The following AUTS2 variants were observed in gnomAD, a reference collection of about 807,000 sequenced individuals.
AUTS2 encodes autism susceptibility gene 2 protein.
Under a neutral mutation model 112.4 loss-of-function variants are expected in AUTS2, and 17 were observed. The observed-to-expected ratio is 0.15, with a 90% CI of 0.10 to 0.23. The LOEUF (loss-of-function observed/expected upper bound fraction) is 0.23, where lower values mean the gene tolerates loss of function less well. Among genes scored for constraint, AUTS2 ranks in the 10% least tolerant of loss-of-function variants. AUTS2 has a pLI of 1.00. For missense variants in AUTS2, 1,510 were observed against 1,701.6 expected (o/e 0.89, Z 1.98); for synonymous variants, 751 against 702.7 (o/e 1.07, Z -1.09).
At chr7:70,000,677 C>T (rs1378981207) in intron 2 of AUTS2, among the ~76,000 whole-genome samples, 2 of 152,082 alleles carry the variant, frequency 1.3e-5, no homozygotes, top group African/African-American at 4.8e-5. Flanking sequence ...ATCATTCATT[C>T]AAATTATTAA....
chr7:70,297,791 G>A (rs1446773248), intron 4 of AUTS2, among the ~76,000 whole-genome samples: 2 of 152,092 alleles, frequency 1.3e-5, no homozygotes, highest in African/African-American at 4.8e-5. Flanking sequence ...TGTTAGAACT[G>A]TACATAATCT....
At chr7:70,545,117 AATTTCAAGTCTAGAAGAACTGTCCAAATC>A (rs2129510499) in intron 5 of AUTS2, among the ~76,000 whole-genome samples, 1 of 152,338 alleles carries the variant, frequency 6.6e-6, no homozygotes, top group Admixed American at 6.5e-5. Context: ...TCAGGCCTTG[AATTTCAAGTCTAGAAGAACTGTCCAAATC>A]ATCGGTAGGA....
intron 4 of AUTS2, among the ~76,000 whole-genome samples, chr7:70,308,450 A>G (rs1197765083): frequency 1.3e-5 from 2 of 152,232 alleles, no homozygotes; most frequent in Admixed American, 6.5e-5. Context: ...CATTTCTCAT[A>G]TAAAGATAAG....
chr7:70,180,829 T>C (rs1809258619), intron 4 of AUTS2, among the ~76,000 whole-genome samples: 1 of 152,222 alleles, frequency 6.6e-6, no homozygotes, highest in African/African-American at 2.4e-5. Context: ...TCAATCTCTT[T>C]AAATATGGCT....
intron 5 of AUTS2, among the ~76,000 whole-genome samples, chr7:70,527,247 G>C (rs1027698453): frequency 6.6e-6 from 1 of 152,166 alleles, no homozygotes; most frequent in Non-Finnish European, 1.5e-5. Flanking sequence ...AAATGGTCTC[G>C]TGTTTGAAGT....
intron 1 of AUTS2, among the ~76,000 whole-genome samples, chr7:69,611,936 C>CAAAAAA (rs896215968): frequency 0.61 from 51,674 of 84,612 alleles, 14,893 homozygotes; most frequent in East Asian, 0.67. Context: ...GACTCCGTCT[C>CAAAAAA]AAAAAAAAAA....
intron 11 of AUTS2, among the ~76,000 whole-genome samples, chr7:70,772,040 C>G (rs1326939376): frequency 6.6e-6 from 1 of 152,204 alleles, no homozygotes; most frequent in African/African-American, 2.4e-5. Context: ...TGGGTCCTTA[C>G]TGATTTTAGT....
At chr7:69,629,131 T>G (rs544849387) in intron 1 of AUTS2, among the ~76,000 whole-genome samples, 46 of 152,230 alleles carry the variant, frequency 3.0e-4, no homozygotes, top group African/African-American at 1.0e-3. Context: ...GTATACCCTT[T>G]TGCTACTTCA....
chr7:70,066,597 A>G (rs1030295511), intron 2 of AUTS2, among the ~76,000 whole-genome samples: 16 of 148,884 alleles, frequency 1.1e-4, no homozygotes, highest in South Asian at 4.2e-4. Flanking sequence ...CTGGAGTGCA[A>G]TGGCGCTGTG....
chr7:70,222,684 G>A (rs1811548330), intron 4 of AUTS2, among the ~76,000 whole-genome samples: 1 of 151,456 alleles, frequency 6.6e-6, no homozygotes, highest in South Asian at 2.1e-4. Flanking sequence ...ATGACTTCAT[G>A]AATATCACAG....
chr7:70,549,465 T>C (rs1020466181), intron 5 of AUTS2, among the ~76,000 whole-genome samples: 5 of 152,194 alleles, frequency 3.3e-5, no homozygotes, highest in African/African-American at 1.2e-4. Flanking sequence ...AGGCAACTTT[T>C]GGAATTTTAA....
chr7:70,320,175 T>C (rs1293889875), intron 4 of AUTS2, among the ~76,000 whole-genome samples: 1 of 152,226 alleles, frequency 6.6e-6, no homozygotes, highest in Non-Finnish European at 1.5e-5. Context: ...TACTTTTGTT[T>C]CAGTGAACTT....
chr7:69,777,427 G>T (rs956017010), intron 1 of AUTS2, among the ~76,000 whole-genome samples: 2 of 152,130 alleles, frequency 1.3e-5, no homozygotes, highest in African/African-American at 4.8e-5. Flanking sequence ...TTGGTTGATT[G>T]AAGATCTTGC....
At chr7:70,236,943 C>T (rs1342456392) in intron 4 of AUTS2, among the ~76,000 whole-genome samples, 1 of 152,184 alleles carries the variant, frequency 6.6e-6, no homozygotes, top group Non-Finnish European at 1.5e-5. Context: ...TTTAATCTCC[C>T]TGCTTACCAC....
At chr7:70,755,541 C>G (rs1789143907) in intron 6 of AUTS2, among the ~76,000 whole-genome samples, 1 of 151,900 alleles carries the variant, frequency 6.6e-6, no homozygotes. Context: ...ATGGCAGGCC[C>G]CTGTAATCCC....
chr7:70,191,712 G>A (rs1334382991), intron 4 of AUTS2, among the ~76,000 whole-genome samples: 1 of 152,118 alleles, frequency 6.6e-6, no homozygotes, highest in African/African-American at 2.4e-5. Flanking sequence ...GCAACAGATT[G>A]TTTGTAACCA....
intron 1 of AUTS2, among the ~76,000 whole-genome samples, chr7:69,822,317 A>G (rs1791035517): frequency 6.6e-6 from 1 of 152,184 alleles, no homozygotes. Context: ...GCTTGGAGAC[A>G]TATTCAAGAT....
At chr7:70,351,449 G>C (rs1162783797) in intron 4 of AUTS2, among the ~76,000 whole-genome samples, 2 of 152,188 alleles carry the variant, frequency 1.3e-5, no homozygotes, top group Non-Finnish European at 2.9e-5. Context: ...ATGGACACTT[G>C]GTTGATTTCC....
chr7:70,323,461 G>A (rs1447491549), intron 4 of AUTS2, among the ~76,000 whole-genome samples: 1 of 152,184 alleles, frequency 6.6e-6, no homozygotes, highest in Non-Finnish European at 1.5e-5. Context: ...TAGAGTCAGG[G>A]TCAGCCACTG....
Sources: allele counts gnomAD v4.1 joint callset (sites outside exome capture counted in the v4.1 genomes callset), GRCh38; gene constraint gnomAD v4.1.1; transcripts MANE v1.5; gene names NCBI Gene and HGNC (gene_info 2026-07-23, HGNC 2026-07-21).